DEPDC7: variants seen among roughly 807,000 people sequenced by gnomAD.
DEPDC7 encodes the protein DEP domain-containing protein 7.
In DEPDC7, 41 loss-of-function variants were observed where a neutral mutation model predicts 56.6. That is an observed-to-expected ratio of 0.72 (90% CI 0.56 to 0.94). DEPDC7 has a LOEUF of 0.94. Ranked by LOEUF, DEPDC7 falls within the 40% of genes least tolerant of loss-of-function variation. The probability of loss-of-function intolerance (pLI) is 0.00; values close to 1 mark genes in which losing one functional copy is unlikely to be tolerated. For missense variants in DEPDC7, 522 were observed against 596.3 expected (o/e 0.88, Z 1.30); for synonymous variants, 185 against 208.8 (o/e 0.89, Z 0.98).
Position 33,033,416 on chromosome 11 carries a change from G to A in DEPDC7, c.1497G>A (p.Lys499=). Residue 499 remains lysine, a synonymous_variant, in exon 9 of 9, where the codon AAG becomes AAA. Transcript: ENST00000241051. ...EKKKLLGQFY[K]CHPDIFIEHF... is the part of the protein sequence containing the mutation. ...AAAAATTGCTAGGTCAATTCTATAA[G>A]TGTCACCCAGACATCTTTATTGAGC... is the stretch of plus-strand genomic sequence containing the variant. 3 of 1,605,496 alleles carry A rather than the reference G, an allele frequency of 1.9e-6. No individual in the cohort carries two copies. The highest frequency in any genetic ancestry group is 2.5e-6 in the Non-Finnish European group (3 of 1,177,720).
rs774993453 is a variant in DEPDC7, at chr11:33,032,656, T to C, written c.1138-12T>C. ...ATATATACTATTGGATATATTTGTT[T>C]TATTTTTATAGAGTGACAACCGAAT... On this transcript the variant is annotated splice_polypyrimidine_tract_variant and intron_variant, in intron 6 of 8. Transcript: ENST00000241051. 6.5e-7 allele frequency: 1 copy of C among 1,543,422 alleles called. No individual in the cohort carries two copies. The highest frequency in any genetic ancestry group is 8.8e-7 in the Non-Finnish European group (1 of 1,141,512).
At chr11:33,025,043 G>T (rs75431241) in intron 1 of DEPDC7, among the ~76,000 whole-genome samples, 6,326 of 152,106 alleles carry the variant, frequency 0.042, 162 homozygotes, top group South Asian at 0.096. Flanking sequence ...TACATAACTG[G>T]TAACTGCCAC....
chr11:33,032,983 T>C lies in DEPDC7; in HGVS notation c.1342+16T>C, dbSNP rs756061752. The C allele has an allele frequency of 5.2e-6, 8 of 1,539,636 alleles. No homozygotes were observed. The highest frequency in any genetic ancestry group is 4.0e-5 in the Admixed American group (2 of 49,874). ...AGAGATGCAGGTAATCTGAGAAATA[T>C]TATTTTCATGATCTTCCAAAGACAA... On this transcript the variant is annotated intron_variant, in intron 8 of 8. Coordinates refer to ENST00000241051, the MANE Select transcript of DEPDC7 (RefSeq NM_001077242.2).
At chr11:33,016,510 G>C (rs374778072) in intron 1 of DEPDC7, 2 of 1,613,646 alleles carry the variant, frequency 1.2e-6, no homozygotes, top group Non-Finnish European at 1.7e-6. Flanking sequence ...TCAAGAGTCA[G>C]CTTGTCTCCC....
Position 33,016,364 on chromosome 11 carries a change from T to C in DEPDC7, c.73+336T>C. The stretch of plus-strand genomic sequence containing the variant: ...GGGAGCTCCGGGATATGCTCCGCGG[T>C]GCTACCGGTGACAAGTGTGGTATCT... On this transcript the variant is annotated intron_variant, in intron 1 of 8. Transcript: ENST00000241051. 8.4e-6 allele frequency: 12 copies of C among 1,435,570 alleles called. 1 individual carries two copies. The South Asian group carries it at 1.8e-4, about 22-fold the overall frequency. 88.9% of individuals were successfully genotyped at this position (1,435,570 alleles called of 1,614,324 possible). A position where few individuals can be genotyped will look rare whatever the true frequency, so the allele number is the denominator to read the frequency against.
At chr11:33,016,347 C>T in intron 1 of DEPDC7, 1 of 1,410,336 alleles carries the variant, frequency 7.1e-7, no homozygotes, top group Non-Finnish European at 9.2e-7. Context: ...CGGGGAGCTC[C>T]GGGATATGCT....
At chr11:33,021,145 G>A (rs1379044718) in intron 1 of DEPDC7, among the ~76,000 whole-genome samples, 1 of 151,956 alleles carries the variant, frequency 6.6e-6, no homozygotes, top group Non-Finnish European at 1.5e-5. Context: ...TAGCTACTTG[G>A]GAGGCTGAGG....
chr11:33,024,248 T>C (rs1424088077), intron 1 of DEPDC7, among the ~76,000 whole-genome samples: 1 of 152,216 alleles, frequency 6.6e-6, no homozygotes, highest in East Asian at 1.9e-4. Context: ...TCTCCTTTTG[T>C]GTTTGGCAAA....
chr11:33,027,973 T>G, intron 3 of DEPDC7, 160 bp downstream of exon 3: 1 of 660,968 alleles, frequency 1.5e-6, no homozygotes, highest in Non-Finnish European at 2.3e-6. Flanking sequence ...CAGAAGTCTA[T>G]TATCTTTAAC....
intron 1 of DEPDC7, among the ~76,000 whole-genome samples, chr11:33,018,400 T>C (rs1268344838): frequency 6.6e-6 from 1 of 152,238 alleles, no homozygotes; most frequent in African/African-American, 2.4e-5. Flanking sequence ...TGAAAAAATC[T>C]TTCTTAAAAT....
chr11:33,026,922 C>G (rs1308763925), intron 2 of DEPDC7, among the ~76,000 whole-genome samples: 1 of 152,134 alleles, frequency 6.6e-6, no homozygotes, highest in East Asian at 1.9e-4. Context: ...GCCACTGCGC[C>G]TGGCCCATTT....
intron 1 of DEPDC7, among the ~76,000 whole-genome samples, chr11:33,024,882 G>T (rs1349984310): frequency 2.0e-5 from 3 of 151,354 alleles, no homozygotes; most frequent in Non-Finnish European, 2.9e-5. Context: ...CATGAGCTAA[G>T]TCCCAGTACT....
At chr11:33,032,315 G>T (rs772164031) in intron 5 of DEPDC7, 21 bp from the exon 6 acceptor site, 1 of 1,551,152 alleles carries the variant, frequency 6.4e-7, no homozygotes, top group South Asian at 1.3e-5. Flanking sequence ...ATTAAAAGCA[G>T]TTTTTTTCTT....
At chr11:33,017,939 C>T (rs994209398) in intron 1 of DEPDC7, among the ~76,000 whole-genome samples, 1 of 152,148 alleles carries the variant, frequency 6.6e-6, no homozygotes, top group African/African-American at 2.4e-5. Context: ...TTTGAGTTTG[C>T]CTGGTATCAC....
intron 1 of DEPDC7, among the ~76,000 whole-genome samples, chr11:33,020,281 G>A (rs1853510037): frequency 6.6e-6 from 1 of 152,094 alleles, no homozygotes; most frequent in African/African-American, 2.4e-5. Context: ...ATATATAAGT[G>A]TTCAATATTA....
chr11:33,022,066 A>C (rs1853529771), intron 1 of DEPDC7, among the ~76,000 whole-genome samples: 1 of 152,184 alleles, frequency 6.6e-6, no homozygotes, highest in Non-Finnish European at 1.5e-5. Flanking sequence ...GTTATGACTT[A>C]TGTGTTTCAT....
At chr11:33,020,324 GTTT>G (rs1262103664) in intron 1 of DEPDC7, among the ~76,000 whole-genome samples, 1 of 152,190 alleles carries the variant, frequency 6.6e-6, no homozygotes, top group African/African-American at 2.4e-5. Context: ...TTTGGTAAAC[GTTT>G]TTTATGGTAG....
At chr11:33,026,356 C>T in intron 2 of DEPDC7, 1 of 333,634 alleles carries the variant, frequency 3.0e-6, no homozygotes, top group South Asian at 3.7e-5. Context: ...AGAGAGAAAC[C>T]CAGATTGCGG....
At chr11:33,016,917 G>A (rs944541213) in intron 1 of DEPDC7, among the ~76,000 whole-genome samples, 2 of 152,152 alleles carry the variant, frequency 1.3e-5, no homozygotes, top group African/African-American at 4.8e-5. Flanking sequence ...TCCAGTCTGG[G>A]ATGTCGTAGG....
Sources: allele counts gnomAD v4.1 joint callset (sites outside exome capture counted in the v4.1 genomes callset), GRCh38; gene constraint gnomAD v4.1.1; transcripts MANE v1.5; gene names NCBI Gene and HGNC (gene_info 2026-07-23, HGNC 2026-07-21).